Variants in PTPRG observed in about 807,000 individuals in gnomAD.
PTPRG encodes the protein receptor-type tyrosine-protein phosphatase gamma.
In PTPRG, 102 loss-of-function variants were observed where a neutral mutation model predicts 165.3. The observed-to-expected ratio is 0.62, with a 90% CI of 0.53 to 0.73. The LOEUF (loss-of-function observed/expected upper bound fraction) is 0.73, where lower values mean the gene tolerates loss of function less well. Among genes scored for constraint, PTPRG ranks in the 30% least tolerant of loss-of-function variants. The probability of loss-of-function intolerance (pLI) is 0.00; values close to 1 mark genes in which losing one functional copy is unlikely to be tolerated. For missense variants in PTPRG, 1,866 were observed against 1,861.4 expected (o/e 1.00, Z -0.05); for synonymous variants, 675 against 669.5 (o/e 1.01, Z -0.13).
chr3:61,980,353 C>A (rs544531573), intron 2 of PTPRG, among the ~76,000 whole-genome samples: 1 of 152,282 alleles, frequency 6.6e-6, no homozygotes, highest in African/African-American at 2.4e-5. Context: ...GGATTTTTAT[C>A]CCATGACTGC....
intron 5 of PTPRG, among the ~76,000 whole-genome samples, chr3:62,121,110 A>ATTTT (rs67168345): frequency 7.1e-6 from 1 of 141,548 alleles, no homozygotes; most frequent in Non-Finnish European, 1.5e-5. Flanking sequence ...AGCCTGGCTA[A>ATTTT]TTTTTTTTTT....
chr3:61,887,119 CATGCATAT>C (rs1159200915), intron 2 of PTPRG, among the ~76,000 whole-genome samples: 1,399 of 103,236 alleles, frequency 0.014, 109 homozygotes, highest in African/African-American at 0.023. Context: ...ATAACCATAG[CATGCATAT>C]ATATATATAT....
intron 2 of PTPRG, among the ~76,000 whole-genome samples, chr3:61,764,299 G>A (rs1174456685): frequency 6.6e-6 from 1 of 152,112 alleles, no homozygotes; most frequent in Non-Finnish European, 1.5e-5. Context: ...GAAGTGAGGA[G>A]GCATGAGGGC....
chr3:62,222,264 A>G lies in PTPRG; in HGVS notation c.2288+3281A>G, dbSNP rs1316741900. ...GTTCAGGAGCATTGGGCCTGGCTGA[A>G]TTTGTAAGATGGAACATCAGGACTT... On this transcript the variant is annotated intron_variant, in intron 13 of 29. Coordinates refer to ENST00000474889, the MANE Select transcript of PTPRG (RefSeq NM_002841.4). The surrounding 1 kb of genome is among the most constrained non-coding windows in gnomAD (Gnocchi z 4.5). Among the ~76,000 whole-genome samples, 1 of 152,102 alleles carries G rather than the reference A, an allele frequency of 6.6e-6. No individual in the cohort carries two copies. The highest frequency in any genetic ancestry group is 1.5e-5 in the Non-Finnish European group (1 of 68,018).
intron 1 of PTPRG, among the ~76,000 whole-genome samples, chr3:61,713,563 C>A (rs1362917712): frequency 6.6e-6 from 1 of 151,850 alleles, no homozygotes; most frequent in Non-Finnish European, 1.5e-5. Context: ...GATAAAATAC[C>A]CTTCCCCTTC....
intron 2 of PTPRG, among the ~76,000 whole-genome samples, chr3:61,796,881 C>T (rs183100442): frequency 1.1e-3 from 161 of 152,328 alleles, no homozygotes; most frequent in Middle Eastern, 3.4e-3. Flanking sequence ...ATACTAACCA[C>T]TCCAAAATTT....
chr3:61,658,246 C>G (rs1433228753), intron 1 of PTPRG, among the ~76,000 whole-genome samples: 1 of 152,150 alleles, frequency 6.6e-6, no homozygotes, highest in Non-Finnish European at 1.5e-5. Flanking sequence ...GCACCCGGTG[C>G]CTGTGGATTC....
rs754317935 is a variant in PTPRG at position 62,281,704 on chromosome 3, A to G, written c.3907A>G (p.Thr1303Ala). Reference sequence around the variant, plus strand: ...CATCCATGACTTTATCCTTGAAGCTACACAGGTAACCTAAACCTCAGTTCC... The same window carrying G: ...CATCCATGACTTTATCCTTGAAGCTGCACAGGTAACCTAAACCTCAGTTCC... ...IIIHDFILEA[T>A]QDDYVLEVRH... Residue 1303 changes from threonine (T) to alanine (A), a missense_variant, in exon 27 of 30, where the codon ACA becomes GCA. Around this residue, in one of 3 missense-constraint regions of PTPRG, gnomAD observed 1,452 missense variants for 1,463.0 expected, o/e 0.99. Coordinates refer to ENST00000474889, the MANE Select transcript of PTPRG (RefSeq NM_002841.4). 5 of 1,610,768 alleles carry G rather than the reference A, an allele frequency of 3.1e-6. No individual in the cohort carries two copies. The highest frequency in any genetic ancestry group is 1.3e-5 in the African/African-American group (1 of 74,626).
At chr3:61,713,903 G>A (rs1001418425) in intron 1 of PTPRG, among the ~76,000 whole-genome samples, 5 of 152,158 alleles carry the variant, frequency 3.3e-5, no homozygotes, top group African/African-American at 1.2e-4. Context: ...AGGCATTAAA[G>A]CATTTGTTGT....
chr3:61,714,708 C>T (rs971978742), intron 1 of PTPRG, among the ~76,000 whole-genome samples: 1 of 152,134 alleles, frequency 6.6e-6, no homozygotes, highest in African/African-American at 2.4e-5. Context: ...CTCCTTCCAC[C>T]AGGAGGGCTG....
At chr3:62,283,710 G>C (rs574965208) in intron 28 of PTPRG, among the ~76,000 whole-genome samples, 1 of 152,204 alleles carries the variant, frequency 6.6e-6, no homozygotes, top group South Asian at 2.1e-4. Context: ...AAATTTGAAA[G>C]TGAAGCTTAT....
At chr3:61,826,190 T>G (rs906484687) in intron 2 of PTPRG, among the ~76,000 whole-genome samples, 1 of 152,198 alleles carries the variant, frequency 6.6e-6, no homozygotes, top group African/African-American at 2.4e-5. Flanking sequence ...AGCCTCCTGA[T>G]TTGTTTCTCT....
chr3:61,898,987 T>TA (rs1487008974), intron 2 of PTPRG, among the ~76,000 whole-genome samples: 1 of 152,142 alleles, frequency 6.6e-6, no homozygotes, highest in Non-Finnish European at 1.5e-5. Context: ...TGGCTCACTG[T>TA]AGCCTTGAGT....
chr3:61,887,172 T>TATATATATATATA (rs1559670290), intron 2 of PTPRG, among the ~76,000 whole-genome samples: 2 of 105,082 alleles, frequency 1.9e-5, no homozygotes, highest in Non-Finnish European at 4.0e-5. Flanking sequence ...ATATATATAT[T>TATATATATATATA]TTTAATGCCA....
chr3:62,084,913 T>A (rs1378408043), intron 5 of PTPRG, among the ~76,000 whole-genome samples: 1 of 152,226 alleles, frequency 6.6e-6, no homozygotes, highest in Admixed American at 6.5e-5. Flanking sequence ...ATTGTGTAAA[T>A]ACTTAGCTGA....
At chr3:62,148,525 C>T (rs140111893) in intron 6 of PTPRG, among the ~76,000 whole-genome samples, 12 of 152,156 alleles carry the variant, frequency 7.9e-5, no homozygotes, top group Non-Finnish European at 1.0e-4. Flanking sequence ...TTTGGGAGGC[C>T]GAGGCAGACA....
At chr3:61,919,433 T>C (rs979464341) in intron 2 of PTPRG, among the ~76,000 whole-genome samples, 2 of 152,230 alleles carry the variant, frequency 1.3e-5, no homozygotes, top group Non-Finnish European at 2.9e-5. Flanking sequence ...TCATCTGCGA[T>C]GTGTGCATCT....
chr3:62,091,043 A>T (rs1256866863), intron 5 of PTPRG, among the ~76,000 whole-genome samples: 1 of 152,230 alleles, frequency 6.6e-6, no homozygotes, highest in Non-Finnish European at 1.5e-5. Context: ...TTTTGATGAT[A>T]AAAATAGTTA....
At chr3:61,806,191 T>C (rs1334507295) in intron 2 of PTPRG, among the ~76,000 whole-genome samples, 1 of 152,140 alleles carries the variant, frequency 6.6e-6, no homozygotes, top group African/African-American at 2.4e-5. Flanking sequence ...ATCATTTTGG[T>C]CTTTTAAAGT....
Sources: allele counts gnomAD v4.1 joint callset (sites outside exome capture counted in the v4.1 genomes callset), GRCh38; gene constraint gnomAD v4.1.1; regional missense constraint gnomAD v4.1.1; non-coding constraint Gnocchi (gnomAD v3.1); transcripts MANE v1.5; gene names NCBI Gene and HGNC (gene_info 2026-07-23, HGNC 2026-07-21).